The following DNAH9 variants were observed in gnomAD, a reference collection of about 807,000 sequenced individuals.
The protein encoded by DNAH9 is DNAH9 variant protein.
In DNAH9, 345 loss-of-function variants were observed where a neutral mutation model predicts 471.6. That is an observed-to-expected ratio of 0.73 (90% CI 0.67 to 0.80). The LOEUF (loss-of-function observed/expected upper bound fraction) is 0.80, where lower values mean the gene tolerates loss of function less well. Among genes scored for constraint, DNAH9 ranks in the 30% least tolerant of loss-of-function variants. The pLI is 0.00. For missense variants in DNAH9, 5,407 were observed against 5,609.2 expected (o/e 0.96, Z 1.15); for synonymous variants, 2,093 against 2,123.6 (o/e 0.99, Z 0.40).
chr17:11,658,791 C>CT, intron 14 of DNAH9, among the ~76,000 whole-genome samples: 1 of 151,960 alleles, frequency 6.6e-6, no homozygotes, highest in Admixed American at 6.6e-5. Flanking sequence ...TTAATGGGCA[C>CT]TTTGTTCTTT....
intron 24 of DNAH9, 146 bp downstream of exon 24, chr17:11,701,393 C>G: frequency 1.2e-6 from 1 of 851,678 alleles, no homozygotes; most frequent in East Asian, 2.5e-5. Context: ...TGTGAGGGGT[C>G]AGCAGGTGGG....
chr17:11,706,353 C>T (rs541905169), intron 26 of DNAH9, among the ~76,000 whole-genome samples: 4 of 152,164 alleles, frequency 2.6e-5, no homozygotes, highest in South Asian at 2.1e-4. Flanking sequence ...AATGAATTCA[C>T]GCCAGACACT....
intron 37 of DNAH9, 102 bp from the exon 38 acceptor site, chr17:11,769,020 T>G: frequency 1.6e-6 from 2 of 1,220,900 alleles, no homozygotes; most frequent in Non-Finnish European, 2.4e-6. Flanking sequence ...GGGAGCTCCA[T>G]CGTGACGGAA....
chr17:11,743,890 C>T (rs1597580213), intron 30 of DNAH9, among the ~76,000 whole-genome samples: 2 of 150,532 alleles, frequency 1.3e-5, no homozygotes, highest in Non-Finnish European at 2.9e-5. Flanking sequence ...AGTGCAGTGG[C>T]GTGATCTCGG....
At chr17:11,825,464 C>T (rs534974865) in intron 48 of DNAH9, among the ~76,000 whole-genome samples, 3 of 152,162 alleles carry the variant, frequency 2.0e-5, no homozygotes, top group African/African-American at 7.2e-5. Context: ...TACTTTGATC[C>T]TCTCATGGAG....
intron 61 of DNAH9, 62 bp downstream of exon 61, chr17:11,905,871 G>A (rs1379055919): frequency 2.5e-5 from 38 of 1,514,852 alleles, no homozygotes; most frequent in Non-Finnish European, 3.1e-5. Flanking sequence ...CATTCTTGGG[G>A]TCTATTGATT....
intron 62 of DNAH9, 21 bp downstream of exon 62, chr17:11,923,962 C>G (rs781225793): frequency 3.1e-5 from 50 of 1,611,738 alleles, no homozygotes; most frequent in Non-Finnish European, 3.9e-5. Flanking sequence ...CTACCCTTGT[C>G]TGGGTTATCT....
intron 67 of DNAH9, among the ~76,000 whole-genome samples, chr17:11,951,147 T>G (rs1975348223): frequency 6.6e-6 from 1 of 152,248 alleles, no homozygotes; most frequent in Non-Finnish European, 1.5e-5. Context: ...TTTGCTGTAT[T>G]GTTTGTAAAG....
chr17:11,651,030 C>A, intron 12 of DNAH9, 39 bp from the exon 13 acceptor site: 1 of 1,597,184 alleles, frequency 6.3e-7, no homozygotes, highest in South Asian at 1.1e-5. Flanking sequence ...TATTCATTAT[C>A]ACTGAACGAC....
chr17:11,798,186 C>G (rs545667373), intron 43 of DNAH9, among the ~76,000 whole-genome samples: 1 of 152,110 alleles, frequency 6.6e-6, no homozygotes, highest in African/African-American at 2.4e-5. Context: ...GTAATCCCAG[C>G]ACTTTGGAGG....
chr17:11,794,989 G>T (rs1969192429), intron 42 of DNAH9, among the ~76,000 whole-genome samples: 1 of 151,712 alleles, frequency 6.6e-6, no homozygotes, highest in South Asian at 2.1e-4. Context: ...TGAGTTAATA[G>T]GTGCAGCACA....
intron 13 of DNAH9, 101 bp downstream of exon 13, chr17:11,651,425 T>C: frequency 1.6e-6 from 2 of 1,263,106 alleles, no homozygotes; most frequent in Non-Finnish European, 2.2e-6. Flanking sequence ...TTATTTGGGG[T>C]TGAAACATAA....
At position 11,894,449 on chromosome 17, in the gene DNAH9, G is replaced by A. The variant is rs374061400; in HGVS notation, c.11359G>A (p.Ala3787Thr). Residue 3787 changes from alanine to threonine, a missense_variant, in exon 59 of 69, where the codon GCC (alanine) becomes ACC (threonine). Physicochemically the swap from Ala to Thr is moderately conservative, Grantham distance 58. Coordinates refer to ENST00000262442, the MANE Select transcript of DNAH9 (RefSeq NM_001372.4). ...TCGATCTCCAGTGCAGACGGGCACC[G>A]CCAGCCCCGTGGAGTTCCTCTCCCA... The part of the protein sequence containing the change: ...LLRSPVQTGT[A>T]SPVEFLSHQA... 1.9e-5 allele frequency: 31 copies of A among 1,613,996 alleles called. No homozygotes were observed. Among genetic ancestry groups the A allele is most frequent in the East Asian group, 4.5e-5 (2 of 44,896 alleles).
At chr17:11,742,406 C>G in intron 30 of DNAH9, 93 bp downstream of exon 30, 3 of 1,279,090 alleles carry the variant, frequency 2.3e-6, no homozygotes, top group Non-Finnish European at 3.3e-6. Flanking sequence ...AAAACATACT[C>G]AAGCTTTCTC....
chr17:11,862,341 G>A (rs62060924), intron 50 of DNAH9, among the ~76,000 whole-genome samples: 13 of 120,450 alleles, frequency 1.1e-4, no homozygotes, highest in South Asian at 2.9e-4. Context: ...GATATGCGGC[G>A]TTATTTCTGA....
At chr17:11,755,643 A>C (rs1356697718) in intron 33 of DNAH9, among the ~76,000 whole-genome samples, 1 of 102,000 alleles carries the variant, frequency 9.8e-6, no homozygotes, top group Non-Finnish European at 1.9e-5. Context: ...ACCAACATCA[A>C]CTTAAACTGT....
chr17:11,897,385 C>T (rs1356211185), intron 59 of DNAH9, among the ~76,000 whole-genome samples: 1 of 152,216 alleles, frequency 6.6e-6, no homozygotes, highest in African/African-American at 2.4e-5. Flanking sequence ...ATTTTCTACA[C>T]TTGAATTTGA....
chr17:11,754,003 T>C lies in DNAH9; in HGVS notation c.6738+1043T>C, dbSNP rs115444436. On this transcript the variant is annotated intron_variant, in intron 33 of 68. Transcript: ENST00000262442. The stretch of plus-strand genomic sequence containing the variant: ...CAAGGGGGCTCCAGTGTCCTGTCTG[T>C]TGTTCCCTTCTTTGTGTTCACGAGT... 1.5e-3 allele frequency among the ~76,000 whole-genome samples: 226 copies of C among 152,280 alleles called. 2 individuals are homozygous for C. The highest frequency in any genetic ancestry group is 5.1e-3 in the African/African-American group (214 of 41,564).
chr17:11,627,664 A>G (rs1341647424), intron 6 of DNAH9, among the ~76,000 whole-genome samples: 4 of 152,212 alleles, frequency 2.6e-5, no homozygotes, highest in African/African-American at 9.6e-5. Flanking sequence ...CATTAGTGGC[A>G]AAAGTCCCTC....
Sources: allele counts gnomAD v4.1 joint callset (sites outside exome capture counted in the v4.1 genomes callset), GRCh38; gene constraint gnomAD v4.1.1; transcripts MANE v1.5; gene names NCBI Gene and HGNC (gene_info 2026-07-23, HGNC 2026-07-21).